The following PYGB variants were observed in gnomAD, a reference collection of about 807,000 sequenced individuals.
The protein encoded by PYGB is glycogen phosphorylase B, also known as glycogen phosphorylase, brain form.
PYGB carries 82 observed loss-of-function variants against 94.3 expected under a neutral mutation model. The observed-to-expected ratio is 0.87, with a 90% CI of 0.73 to 1.04. The LOEUF is 1.04. Ranked by LOEUF, PYGB falls within the 50% of genes least tolerant of loss-of-function variation. The pLI is 0.00. For synonymous variants in PYGB, 488 were observed against 479.1 expected (o/e 1.02, Z -0.24); for missense variants, 1,132 against 1,158.2 (o/e 0.98, Z 0.33).
At chr20:25,292,372 C>T (rs1415124781) in intron 16 of PYGB, 34 bp from the exon 17 acceptor site, 3 of 1,608,532 alleles carry the variant, frequency 1.9e-6, no homozygotes, top group Non-Finnish European at 2.5e-6. Flanking sequence ...TTGGGGTCCT[C>T]ACAGTGATCC....
chr20:25,268,167 C>CCCCCCCT lies in PYGB; in HGVS notation c.346-958_346-957insCCTCCCC, dbSNP rs772366458. ...TGAGTAAATCCTAGCACCCGCCCCC[C>CCCCCCCT]CCCCATATCCAAAATATTGTTGGTG... On this transcript the variant is annotated intron_variant, in intron 2 of 19. Coordinates refer to ENST00000216962, the MANE Select transcript of PYGB (RefSeq NM_002862.4). Among the ~76,000 whole-genome samples the CCCCCCCT allele has an allele frequency of 4.2e-3, 395 of 94,990 alleles. 12 individuals are homozygous for CCCCCCCT. The highest frequency in any genetic ancestry group is 6.2e-3 in the Middle Eastern group (1 of 162). 62.3% of individuals were successfully genotyped at this position (94,990 alleles called of 152,430 possible).
chr20:25,261,181 A>G (rs1027973335), intron 2 of PYGB, among the ~76,000 whole-genome samples: 1 of 152,198 alleles, frequency 6.6e-6, no homozygotes, highest in Non-Finnish European at 1.5e-5. Flanking sequence ...CTGCTTCCAC[A>G]AGTGGGTCCC....
intron 16 of PYGB, among the ~76,000 whole-genome samples, chr20:25,290,917 TCTC>T (rs923766210): frequency 2.6e-4 from 40 of 151,484 alleles, no homozygotes; most frequent in African/African-American, 9.7e-4. Context: ...TCCCCTGCCC[TCTC>T]CTCCTGCCCC....
At chr20:25,252,755 GC>G (rs2092891657) in intron 1 of PYGB, among the ~76,000 whole-genome samples, 1 of 152,240 alleles carries the variant, frequency 6.6e-6, no homozygotes, top group Admixed American at 6.5e-5. Flanking sequence ...CTGGAAGGAA[GC>G]TCTTCCATCC....
chr20:25,271,991 A>C lies in PYGB; in HGVS notation c.528+505A>C, dbSNP rs1005519881. Among the ~76,000 whole-genome samples the C allele has an allele frequency of 2.0e-5, 3 of 152,192 alleles. No individual in the cohort carries two copies. The South Asian group carries it at 6.2e-4, about 32-fold the overall frequency. On this transcript the variant is annotated intron_variant, in intron 4 of 19. Coordinates refer to ENST00000216962, the MANE Select transcript of PYGB (RefSeq NM_002862.4). ...CTTGGGGTTAGAGGCTGGACTCTGC[A>C]TAGTACAGTGGCCCTTGGAAGGAGT...
intron 5 of PYGB, among the ~76,000 whole-genome samples, chr20:25,276,386 A>C (rs1048698659): frequency 4.6e-5 from 7 of 152,166 alleles, no homozygotes; most frequent in Middle Eastern, 6.8e-3. Context: ...AGGAAGGTCA[A>C]GTGAGAAGAT....
Position 25,269,111 on chromosome 20 carries a change from C to G in PYGB, c.346-18C>G, listed in dbSNP as rs2474771. 574 of 1,536,092 alleles carry G rather than the reference C, an allele frequency of 3.7e-4. 1 individual carries two copies. The African/African-American group carries it at 5.9e-3, about 16-fold the overall frequency. ...ATATTGAGTAACATTAAAATGCTGC[C>G]TGTGTTTTTGTTTGCAGTTGGGGTT... On this transcript the variant is annotated intron_variant, in intron 2 of 19. Coordinates refer to ENST00000216962, the MANE Select transcript of PYGB (RefSeq NM_002862.4).
chr20:25,280,217 A>G, intron 9 of PYGB, 49 bp from the exon 10 acceptor site: 1 of 1,597,510 alleles, frequency 6.3e-7, no homozygotes, highest in Non-Finnish European at 8.6e-7. Flanking sequence ...CTGGCCAGAG[A>G]GCTGCTTGTT....
intron 2 of PYGB, among the ~76,000 whole-genome samples, chr20:25,265,540 A>G (rs1286190128): frequency 6.7e-6 from 1 of 148,808 alleles, no homozygotes; most frequent in Non-Finnish European, 1.5e-5. Context: ...AGAAAAGCCT[A>G]TTCAATTCAT....
intron 1 of PYGB, among the ~76,000 whole-genome samples, chr20:25,257,841 A>G (rs1299830183): frequency 6.6e-6 from 1 of 152,170 alleles, no homozygotes; most frequent in Non-Finnish European, 1.5e-5. Context: ...CCCTGCCTGG[A>G]CAGTGCCTGT....
chr20:25,295,681 T>C lies in PYGB; in HGVS notation c.2379+11T>C, dbSNP rs751629108. 3.1e-6 allele frequency: 5 copies of C among 1,610,914 alleles called. No individual in the cohort carries two copies. The Admixed American group carries it at 8.3e-5, about 27-fold the overall frequency. Reference sequence around the variant, plus strand: ...GACCAGCTGTACCGGGTGAGGCTCCTGGGTCCAGAGGCTAGGGGAGCAGCT... The same window carrying C: ...GACCAGCTGTACCGGGTGAGGCTCCCGGGTCCAGAGGCTAGGGGAGCAGCT... On this transcript the variant is annotated intron_variant, in intron 19 of 19. Transcript: ENST00000216962.
chr20:25,266,981 CCACGGTA>C (rs2088224050), intron 2 of PYGB, among the ~76,000 whole-genome samples: 1 of 152,190 alleles, frequency 6.6e-6, no homozygotes. Context: ...CAATTCCATT[CCACGGTA>C]CAGGTCTCAG....
chr20:25,259,935 T>A (rs2092909935), intron 2 of PYGB, among the ~76,000 whole-genome samples: 1 of 152,340 alleles, frequency 6.6e-6, no homozygotes, highest in South Asian at 2.1e-4. Context: ...TATAACCTTT[T>A]ACCTGCGCAT....
chr20:25,282,408 G>A lies in PYGB; in HGVS notation c.1518+261G>A, dbSNP rs542299355. 5.3e-5 allele frequency among the ~76,000 whole-genome samples: 8 copies of A among 152,374 alleles called. No individual in the cohort carries two copies. The East Asian group carries it at 1.3e-3, about 26-fold the overall frequency. On this transcript the variant is annotated intron_variant, in intron 12 of 19. Coordinates refer to ENST00000216962, the MANE Select transcript of PYGB (RefSeq NM_002862.4). ...CTGGGGTGTGGCTGAGTGCAGCCACGGGGCCACTGCAAAAGAGTCAAGAGG... is the reference window on the plus strand; with the variant it reads ...CTGGGGTGTGGCTGAGTGCAGCCACAGGGCCACTGCAAAAGAGTCAAGAGG...
rs773128853 is a variant in PYGB, at chr20:25,294,306, C to A, written c.2312+14C>A. ...GCACCATGACAGGTGGGACCGACTT[C>A]CCTGGTTGGGTGGCTGGGAGGGAGG... On this transcript the variant is annotated intron_variant, in intron 18 of 19. Transcript: ENST00000216962. The A allele has an allele frequency of 1.5e-6, 2 of 1,329,230 alleles. No homozygotes were observed. The highest frequency in any genetic ancestry group is 3.5e-5 in the East Asian group (1 of 28,834). The allele number at this position is 1,329,230 out of a possible 1,614,324, so 82.3% of individuals were successfully genotyped here.
At chr20:25,290,785 C>A (rs1193606038) in intron 16 of PYGB, among the ~76,000 whole-genome samples, 163 bp downstream of exon 16, 2 of 152,196 alleles carry the variant, frequency 1.3e-5, no homozygotes, top group Non-Finnish European at 2.9e-5. Flanking sequence ...AGGGAGTGCT[C>A]CCCGTGCAGT....
At chr20:25,293,989 A>C in intron 17 of PYGB, 169 bp from the exon 18 acceptor site, 1 of 795,902 alleles carries the variant, frequency 1.3e-6, no homozygotes, top group South Asian at 1.8e-5. Flanking sequence ...GTCCCTGCTC[A>C]AGGGCCTCGT....
intron 5 of PYGB, 136 bp from the exon 6 acceptor site, chr20:25,276,510 G>A: frequency 1.5e-6 from 1 of 669,972 alleles, no homozygotes; most frequent in Non-Finnish European, 2.6e-6. Context: ...CTGGGTGGAT[G>A]TGTTTGGGCA....
At position 25,269,215 on chromosome 20, in the gene PYGB, G is replaced by A. The variant is rs745980014; in HGVS notation, c.424+8G>A. The A allele has an allele frequency of 1.3e-6, 2 of 1,562,192 alleles. No individual in the cohort carries two copies. Among genetic ancestry groups the A allele is most frequent in the Non-Finnish European group, 8.8e-7 (1 of 1,134,046 alleles). On this transcript the variant is annotated splice_region_variant and intron_variant, in intron 3 of 19. Transcript: ENST00000216962. Reference sequence around the variant, plus strand: ...GCCTGGGGAGGCTGGCAGGTAAGTTGCCCCATCCAGGAGGAGCTCTCTCGG... The same window carrying A: ...GCCTGGGGAGGCTGGCAGGTAAGTTACCCCATCCAGGAGGAGCTCTCTCGG...
Sources: gnomAD v4.1 joint callset for allele counts (sites outside exome capture counted in the v4.1 genomes callset) on GRCh38, gnomAD v4.1.1 for gene constraint, MANE v1.5 for transcripts, NCBI Gene and HGNC (gene_info 2026-07-23, HGNC 2026-07-21) for gene names.